Variants in SATB1 observed in about 807,000 individuals in gnomAD.
SATB1 encodes the protein DNA-binding protein SATB1.
In SATB1, 11 loss-of-function variants were observed where a neutral mutation model predicts 86.9. That is an observed-to-expected ratio of 0.13 (90% CI 0.08 to 0.21). The LOEUF (loss-of-function observed/expected upper bound fraction) is 0.21, where lower values mean the gene tolerates loss of function less well. Ranked by LOEUF, SATB1 falls within the 10% of genes least tolerant of loss-of-function variation. SATB1 has a pLI of 1.00. For missense variants in SATB1, 551 were observed against 937.6 expected (o/e 0.59, Z 5.39); for synonymous variants, 357 against 357.2 (o/e 1.00, Z 0.01).
At chr3:18,369,474 A>G (rs1695350266) in intron 9 of SATB1, among the ~76,000 whole-genome samples, 1 of 152,198 alleles carries the variant, frequency 6.6e-6, no homozygotes. Flanking sequence ...TTTTCTAGAC[A>G]CAACTTCTTT....
At chr3:18,366,721 A>T (rs561816795) in intron 9 of SATB1, among the ~76,000 whole-genome samples, 32 of 152,300 alleles carry the variant, frequency 2.1e-4, no homozygotes, top group African/African-American at 7.7e-4. Context: ...AACAAGTCTC[A>T]GATGAAAAGT....
rs149019192 is a variant in SATB1, at chr3:18,345,907, T to C, written c.*3263A>G. The C allele has an allele frequency of 1.4e-3, 208 of 152,266 alleles. 1 individual carries two copies. The highest frequency in any genetic ancestry group is 4.2e-3 in the African/African-American group (176 of 41,580). The allele number at this position is 152,266 out of a possible 1,614,324, so 9.4% of individuals were successfully genotyped here. ...TAGGGCAGAATTTAATAATGGAATG[T>C]ATGGGATTCTCATTTTTACTCAATC... On this transcript the variant is annotated 3_prime_UTR_variant, in exon 11 of 11. Coordinates refer to ENST00000338745, the MANE Select transcript of SATB1 (RefSeq NM_002971.6).
At chr3:18,371,616 T>G (rs1695483768) in intron 9 of SATB1, among the ~76,000 whole-genome samples, 1 of 152,226 alleles carries the variant, frequency 6.6e-6, no homozygotes, top group Non-Finnish European at 1.5e-5. Flanking sequence ...GATGTGAAAT[T>G]TTAATGGTAC....
chr3:18,386,526 T>C lies in SATB1; in HGVS notation c.1292A>G (p.Asn431Ser), dbSNP rs1396524956. The C allele has an allele frequency of 1.2e-6, 2 of 1,614,094 alleles. No homozygotes were observed. The highest frequency in any genetic ancestry group is 1.3e-5 in the African/African-American group (1 of 75,024). The part of the protein sequence containing the change: ...SLLVNLRAMQ[N>S]FLQLPEAERD... ...TTCAGCTTCCGGTAACTGCAAGAAA[T>C]TCTGCATAGCCCGAAGGTTTACCAG... Residue 431 changes from asparagine to serine, a missense_variant, in exon 8 of 11, where the codon AAT becomes AGT. This residue lies in a region of SATB1 where 110 missense variants were observed against 212.2 expected (regional missense o/e 0.52). Transcript: ENST00000338745. This position sits in a 1 kb window ranked among gnomAD's most constrained non-coding sequence, Gnocchi z 4.5.
intron 2 of SATB1, among the ~76,000 whole-genome samples, chr3:18,417,897 A>G (rs1698200352): frequency 6.6e-6 from 1 of 152,144 alleles, no homozygotes; most frequent in Admixed American, 6.5e-5. Flanking sequence ...CTCTCTCTTT[A>G]TATATTTTAA....
chr3:18,373,338 A>G (rs1039664298), intron 9 of SATB1, among the ~76,000 whole-genome samples: 1 of 152,210 alleles, frequency 6.6e-6, no homozygotes, highest in African/African-American at 2.4e-5. Context: ...TTGTTGTAGC[A>G]AAGTCTGTTA....
At chr3:18,379,675 T>C (rs1240950889) in intron 8 of SATB1, among the ~76,000 whole-genome samples, 1 of 152,234 alleles carries the variant, frequency 6.6e-6, no homozygotes, top group African/African-American at 2.4e-5. Flanking sequence ...AAAATGTGCC[T>C]GCTGAATCCT....
At chr3:18,438,772 C>T (rs1699154413), upstream of SATB1, 1 of 152,298 alleles carries the variant, frequency 6.6e-6, no homozygotes, top group Admixed American at 6.5e-5. Flanking sequence ...GGTCATAGCT[C>T]TGGGTAGAGT....
intron 9 of SATB1, among the ~76,000 whole-genome samples, chr3:18,364,499 C>T (rs2125154544): frequency 6.6e-6 from 1 of 151,854 alleles, no homozygotes; most frequent in Middle Eastern, 3.4e-3. Flanking sequence ...ATAGGTATTG[C>T]TACTGTCATT....
upstream of SATB1, among the ~76,000 whole-genome samples, chr3:18,427,721 A>G (rs551400764): frequency 6.6e-6 from 1 of 152,334 alleles, no homozygotes; most frequent in South Asian, 2.1e-4. Context: ...AAATCTATTC[A>G]AAAACACAAA....
intron 9 of SATB1, among the ~76,000 whole-genome samples, chr3:18,354,953 C>T (rs898841221): frequency 1.3e-5 from 2 of 152,020 alleles, no homozygotes; most frequent in African/African-American, 4.8e-5. Context: ...ATAACATTTC[C>T]AGTAGTTTGC....
At chr3:18,392,127 T>C (rs558690638) in intron 7 of SATB1, among the ~76,000 whole-genome samples, 1 of 152,264 alleles carries the variant, frequency 6.6e-6, no homozygotes, top group African/African-American at 2.4e-5. Context: ...TTTTCCTAAA[T>C]TGGCTATTAT....
intron 2 of SATB1, among the ~76,000 whole-genome samples, chr3:18,417,972 G>GCTT (rs1698203766): frequency 6.6e-6 from 1 of 152,120 alleles, no homozygotes; most frequent in African/African-American, 2.4e-5. Context: ...TTAGAAAGAG[G>GCTT]CTTCTTCTAG....
chr3:18,372,196 T>C (rs919658079), intron 9 of SATB1, among the ~76,000 whole-genome samples: 2 of 152,234 alleles, frequency 1.3e-5, no homozygotes, highest in Non-Finnish European at 2.9e-5. Flanking sequence ...TGCAGTGAAC[T>C]TCTTTGTGTT....
intron 2 of SATB1, among the ~76,000 whole-genome samples, chr3:18,436,233 C>T (rs901624554): frequency 1.1e-4 from 17 of 152,136 alleles, no homozygotes; most frequent in African/African-American, 4.1e-4. Context: ...AGTATTTATT[C>T]AATGGGAGCC....
chr3:18,360,434 T>C (rs1333069660), intron 9 of SATB1, among the ~76,000 whole-genome samples: 1 of 152,138 alleles, frequency 6.6e-6, no homozygotes, highest in African/African-American at 2.4e-5. Flanking sequence ...CCAAATCTGT[T>C]GGGCTATTTA....
In SATB1 at chr3:18,349,505, C is replaced by T. The variant is rs199728311; in HGVS notation, c.1957G>A (p.Val653Met). 2 of 1,614,178 alleles carry T rather than the reference C, an allele frequency of 1.2e-6. No homozygotes were observed. Among genetic ancestry groups the T allele is most frequent in the East Asian group, 2.2e-5 (1 of 44,888 alleles). The change falls in exon 11 of 11, where the codon GTG becomes ATG. Residue 653 changes from valine to methionine, a missense_variant. By Grantham distance (21) the Val-to-Met change is conservative. This residue lies in a region of SATB1 where 87 missense variants were observed against 103.6 expected (regional missense o/e 0.84). Transcript: ENST00000338745. The surrounding 1 kb of genome is among the most constrained non-coding windows in gnomAD (Gnocchi z 5.5). Reference protein sequence around the residue: ...QKTRPRTKISVEALGILQSFI... With the variant: ...QKTRPRTKISMEALGILQSFI... The stretch of plus-strand genomic sequence containing the variant: ...CTCTGGAGGATTCCCAAGGCTTCCA[C>T]TGAAATTTTTGTTCGTGGCCGGGTC...
At chr3:18,431,105 A>G (rs186945484) in intron 2 of SATB1, among the ~76,000 whole-genome samples, 8 of 152,258 alleles carry the variant, frequency 5.3e-5, no homozygotes, top group Admixed American at 2.0e-4. Flanking sequence ...TAATAATTCC[A>G]CCAAAATTGG....
rs1481660110 is a variant in SATB1 at position 18,349,306 on chromosome 3, T to A, written c.2156A>T (p.Tyr719Phe). 5.0e-6 allele frequency: 8 copies of A among 1,614,084 alleles called. No homozygotes were observed. In the Admixed American group the frequency reaches 5.0e-5, roughly 10 times the overall value. ...NSGLEVDVAE[Y>F]KEEELLKDLE... The stretch of plus-strand genomic sequence containing the variant: ...ATCCTTCAGCAGCTCCTCTTCTTTA[T>A]ATTCTGCCACATCGACCTCTAAACC... Residue 719 changes from tyrosine to phenylalanine, a missense_variant, in exon 11 of 11, where the codon TAT (tyrosine) becomes TTT (phenylalanine). Transcript: ENST00000338745. This position sits in a 1 kb window ranked among gnomAD's most constrained non-coding sequence, Gnocchi z 5.5.
Sources: allele counts gnomAD v4.1 joint callset (sites outside exome capture counted in the v4.1 genomes callset), GRCh38; gene constraint gnomAD v4.1.1; regional missense constraint gnomAD v4.1.1; non-coding constraint Gnocchi (gnomAD v3.1); transcripts MANE v1.5; gene names NCBI Gene and HGNC (gene_info 2026-07-23, HGNC 2026-07-21).